The following SNX4 variants were observed in gnomAD, a reference collection of about 807,000 sequenced individuals.
SNX4 encodes sorting nexin-4.
SNX4 carries 49 observed loss-of-function variants against 70.8 expected under a neutral mutation model. The ratio of observed to expected loss-of-function variants is 0.69; its 90% CI spans 0.55 to 0.88. SNX4 has a LOEUF of 0.88. Among genes scored for constraint, SNX4 ranks in the 40% least tolerant of loss-of-function variants. The pLI is 0.00. For synonymous variants in SNX4, 206 were observed against 183.8 expected (o/e 1.12, Z -0.98); for missense variants, 528 against 544.8 (o/e 0.97, Z 0.31).
chr3:125,475,532 T>C (rs999623675), intron 8 of SNX4, among the ~76,000 whole-genome samples: 2 of 152,150 alleles, frequency 1.3e-5, no homozygotes, highest in Non-Finnish European at 2.9e-5. Flanking sequence ...GCCTGGCTAA[T>C]TTTTGTATTT....
Position 125,480,981 on chromosome 3 carries a change from C to T in SNX4, c.654-662G>A, listed in dbSNP as rs78822628. On this transcript the variant is annotated intron_variant, in intron 6 of 13. Coordinates refer to ENST00000251775, the MANE Select transcript of SNX4 (RefSeq NM_003794.4). The stretch of plus-strand genomic sequence containing the variant: ...ATCTCTATAAACTTCTTCTCATCAG[C>T]ATATCAATTAACTCAGGTCTCTCAT... 1.1e-3 allele frequency among the ~76,000 whole-genome samples: 167 copies of T among 152,226 alleles called. 3 individuals are homozygous for T. In the East Asian group the frequency reaches 0.03, roughly 27 times the overall value.
At chr3:125,461,476 G>T (rs955703649) in intron 9 of SNX4, among the ~76,000 whole-genome samples, 1 of 152,134 alleles carries the variant, frequency 6.6e-6, no homozygotes, top group African/African-American at 2.4e-5. Flanking sequence ...TTGTAAGACT[G>T]TAATATCTTT....
At chr3:125,488,020 TC>T (rs1934569339) in intron 6 of SNX4, among the ~76,000 whole-genome samples, 2 of 151,884 alleles carry the variant, frequency 1.3e-5, no homozygotes, top group Admixed American at 1.3e-4. Context: ...CAAACACAGC[TC>T]TCTGGTGTGG....
At chr3:125,460,119 G>A (rs774287493) in intron 10 of SNX4, among the ~76,000 whole-genome samples, 9 of 151,094 alleles carry the variant, frequency 6.0e-5, no homozygotes, top group South Asian at 2.1e-4. Flanking sequence ...GTTTGAACCC[G>A]GGACGTGGAG....
chr3:125,464,449 G>GT (rs1038601577), intron 9 of SNX4, among the ~76,000 whole-genome samples: 5,794 of 143,022 alleles, frequency 0.041, 249 homozygotes, highest in African/African-American at 0.098. Flanking sequence ...AAGGCTCAAG[G>GT]TTTTTTTTTT....
intron 10 of SNX4, 74 bp downstream of exon 10, chr3:125,460,697 T>C: frequency 1.6e-6 from 1 of 624,972 alleles, no homozygotes; most frequent in Admixed American, 3.0e-5. Context: ...CTCTACTATC[T>C]GTACTTTACA....
chr3:125,503,848 T>C (rs1393801091), intron 2 of SNX4, among the ~76,000 whole-genome samples: 2 of 152,308 alleles, frequency 1.3e-5, no homozygotes, highest in Middle Eastern at 3.4e-3. Flanking sequence ...CATTAAAATA[T>C]AGCTATCTAC....
In SNX4 at chr3:125,460,878, A is replaced by C. The variant is rs777919114; in HGVS notation, c.855-18T>G. The C allele has an allele frequency of 4.2e-6, 5 of 1,180,762 alleles. No individual in the cohort carries two copies. The highest frequency in any genetic ancestry group is 5.9e-6 in the Non-Finnish European group (5 of 843,600). The allele number at this position is 1,180,762 out of a possible 1,614,324, so 73.1% of individuals were successfully genotyped here. On this transcript the variant is annotated intron_variant, in intron 9 of 13. Coordinates refer to ENST00000251775, the MANE Select transcript of SNX4 (RefSeq NM_003794.4). ...ATGCATACCTGTTTTAAAAAAAAAA[A>C]CACACATTGCATAGAGTTACTTTCA...
At chr3:125,492,899 C>T (rs1934694909) in intron 5 of SNX4, among the ~76,000 whole-genome samples, 1 of 152,088 alleles carries the variant, frequency 6.6e-6, no homozygotes, top group African/African-American at 2.4e-5. Context: ...AGTCCTTGCC[C>T]CAAGGAAGAG....
At chr3:125,507,355 G>A (rs115728900) in intron 1 of SNX4, among the ~76,000 whole-genome samples, 10,283 of 151,958 alleles carry the variant, frequency 0.068, 477 homozygotes, top group Non-Finnish European at 0.1. Context: ...CAAGTCCAAG[G>A]AACAGAAAAA....
At chr3:125,518,939 G>A (rs2107578111) in intron 1 of SNX4, among the ~76,000 whole-genome samples, 1 of 152,132 alleles carries the variant, frequency 6.6e-6, no homozygotes, top group Non-Finnish European at 1.5e-5. Flanking sequence ...CCTGAACCTG[G>A]GAGGCAGAGG....
In SNX4 at chr3:125,461,615, G is replaced by A. The variant is rs560479419; in HGVS notation, c.855-755C>T. Reference sequence around the variant, plus strand: ...ATGCCAAATAGCTACAAAAGAAAAAGTAGAGTAAATAAAGGTTGGAGAAAA... The same window carrying A: ...ATGCCAAATAGCTACAAAAGAAAAAATAGAGTAAATAAAGGTTGGAGAAAA... On this transcript the variant is annotated intron_variant, in intron 9 of 13. Transcript: ENST00000251775. Among the ~76,000 whole-genome samples, 50 of 151,920 alleles carry A rather than the reference G, an allele frequency of 3.3e-4. No individual in the cohort carries two copies. The East Asian group carries it at 8.7e-3, about 26-fold the overall frequency.
At chr3:125,508,992 T>C (rs1051567163) in intron 1 of SNX4, among the ~76,000 whole-genome samples, 2 of 151,906 alleles carry the variant, frequency 1.3e-5, no homozygotes, top group Non-Finnish European at 2.9e-5. Context: ...AAAGAAAAAA[T>C]TGGCAAATTG....
chr3:125,492,687 A>T (rs957948934), intron 5 of SNX4, among the ~76,000 whole-genome samples: 2 of 152,158 alleles, frequency 1.3e-5, no homozygotes, highest in Non-Finnish European at 2.9e-5. Flanking sequence ...TAATGTCTCC[A>T]ATCACTAAAA....
chr3:125,495,236 C>T (rs1371323256), intron 5 of SNX4, among the ~76,000 whole-genome samples: 3 of 62,026 alleles, frequency 4.8e-5, no homozygotes, highest in Non-Finnish European at 1.2e-4. Flanking sequence ...AAATGTGATA[C>T]ACTCATTCTC....
In SNX4 at chr3:125,520,094, GC is replaced by G; in HGVS notation, c.78del (p.Leu27TrpfsTer22). On this transcript the variant is annotated frameshift_variant, in exon 1 of 14. Transcript: ENST00000251775. LOFTEE classifies it high-confidence loss of function. ...GCTTCCTTGCCGACCGCAGCCCCCA[GC>G]CCAGCGTCTGGGGAGCCCAGCGGCT... The part of the protein sequence containing the change: ...PLEPLGSPDA[G>X]LGAAVGKEAE... The G allele has an allele frequency of 6.5e-7, 1 of 1,528,598 alleles. No homozygotes were observed. Among genetic ancestry groups the G allele is most frequent in the South Asian group, 1.2e-5 (1 of 81,286 alleles). 94.7% of individuals were successfully genotyped at this position (1,528,598 alleles called of 1,614,324 possible).
chr3:125,509,397 A>G (rs1935119431), intron 1 of SNX4, among the ~76,000 whole-genome samples: 1 of 151,950 alleles, frequency 6.6e-6, no homozygotes, highest in African/African-American at 2.4e-5. Flanking sequence ...AGAACAGAAG[A>G]AAGTATTTTC....
chr3:125,496,265 G>A lies in SNX4; in HGVS notation c.597+1076C>T, dbSNP rs372174964. On this transcript the variant is annotated intron_variant, in intron 5 of 13. Transcript: ENST00000251775. The stretch of plus-strand genomic sequence containing the variant: ...GCCATGATCACACCACTGCACTCTG[G>A]CCTGGGTGACAGAGCAAGACTCTGT... Among the ~76,000 whole-genome samples the A allele has an allele frequency of 1.5e-4, 23 of 152,232 alleles. 1 individual carries two copies. The South Asian group carries it at 2.7e-3, about 18-fold the overall frequency.
At chr3:125,491,955 A>G (rs993241841) in intron 5 of SNX4, among the ~76,000 whole-genome samples, 1 of 151,896 alleles carries the variant, frequency 6.6e-6, no homozygotes, top group Non-Finnish European at 1.5e-5. Context: ...AAAAATATAA[A>G]AAATTAGCCA....
Sources: gnomAD v4.1 joint callset for allele counts (sites outside exome capture counted in the v4.1 genomes callset) on GRCh38, gnomAD v4.1.1 for gene constraint, MANE v1.5 for transcripts, NCBI Gene and HGNC (gene_info 2026-07-23, HGNC 2026-07-21) for gene names.